The following XPR1 variants were observed in gnomAD, a reference collection of about 807,000 sequenced individuals.
The protein encoded by XPR1 is xenotropic and polytropic retrovirus receptor 1.
Under a neutral mutation model 87.5 loss-of-function variants are expected in XPR1, and 28 were observed. The observed-to-expected ratio is 0.32, with a 90% CI of 0.24 to 0.44. XPR1 has a LOEUF of 0.44. Ranked by LOEUF, XPR1 falls within the 20% of genes least tolerant of loss-of-function variation. The pLI is 1.00. For missense variants in XPR1, 559 were observed against 862.3 expected (o/e 0.65, Z 4.41); for synonymous variants, 300 against 306.1 (o/e 0.98, Z 0.21).
intron 1 of XPR1, among the ~76,000 whole-genome samples, chr1:180,654,361 A>T (rs1012845706): frequency 3.3e-5 from 5 of 151,978 alleles, no homozygotes; most frequent in Non-Finnish European, 7.4e-5. Context: ...TTTAATATCT[A>T]TTCCTTCTTG....
chr1:180,818,545 A>C (rs1235437850), intron 7 of XPR1, among the ~76,000 whole-genome samples: 2 of 152,110 alleles, frequency 1.3e-5, no homozygotes, highest in East Asian at 3.8e-4. Context: ...ATGCATGAAA[A>C]ACATTGAGTA....
intron 3 of XPR1, among the ~76,000 whole-genome samples, chr1:180,794,387 G>A (rs1450698525): frequency 6.6e-6 from 1 of 152,166 alleles, no homozygotes; most frequent in East Asian, 1.9e-4. Context: ...GTGGCACTAC[G>A]ACTGTACGTG....
intron 1 of XPR1, among the ~76,000 whole-genome samples, chr1:180,674,836 A>C (rs1032544108): frequency 1.3e-5 from 2 of 152,186 alleles, no homozygotes; most frequent in African/African-American, 4.8e-5. Flanking sequence ...CACATTTGAC[A>C]CAGTAATATA....
intron 1 of XPR1, among the ~76,000 whole-genome samples, chr1:180,663,487 G>T (rs1655847619): frequency 6.6e-6 from 1 of 152,156 alleles, no homozygotes; most frequent in South Asian, 2.1e-4. Context: ...CTTTGTCCTA[G>T]ATAAACAGAG....
intron 11 of XPR1, among the ~76,000 whole-genome samples, chr1:180,842,387 T>G (rs1331799252): frequency 6.6e-6 from 1 of 152,144 alleles, no homozygotes; most frequent in Non-Finnish European, 1.5e-5. Flanking sequence ...GGGAGGAGGT[T>G]GGAGGTTTAG....
At chr1:180,798,569 A>T (rs1649669723) in intron 3 of XPR1, among the ~76,000 whole-genome samples, 1 of 152,136 alleles carries the variant, frequency 6.6e-6, no homozygotes, top group South Asian at 2.1e-4. Context: ...TAATTCCTAG[A>T]GGATCTGAAT....
At chr1:180,745,025 T>C (rs1659042780) in intron 2 of XPR1, among the ~76,000 whole-genome samples, 3 of 152,158 alleles carry the variant, frequency 2.0e-5, no homozygotes, top group Admixed American at 2.0e-4. Flanking sequence ...AAGCCTTTGA[T>C]ATGCTATTCA....
intron 11 of XPR1, among the ~76,000 whole-genome samples, chr1:180,854,899 A>T (rs1477434834): frequency 6.6e-6 from 1 of 152,200 alleles, no homozygotes; most frequent in African/African-American, 2.4e-5. Flanking sequence ...AGGTGTTTTC[A>T]GGGACACATT....
At chr1:180,882,967 G>GTTTTTTTTTTTTTTTTTTTTTTTTT (rs1156645233) in intron 14 of XPR1, among the ~76,000 whole-genome samples, 2 of 150,542 alleles carry the variant, frequency 1.3e-5, no homozygotes, top group African/African-American at 5.0e-5. Flanking sequence ...TTGGGGGTTG[G>GTTTTTTTTTTTTTTTTTTTTTTTTT]TTGTTTTTTT....
At chr1:180,734,191 C>A (rs757930270) in intron 2 of XPR1, among the ~76,000 whole-genome samples, 9 of 152,102 alleles carry the variant, frequency 5.9e-5, no homozygotes, top group Non-Finnish European at 1.2e-4. Flanking sequence ...TACCAAAACA[C>A]CGGGGGTTCA....
At position 180,632,128 on chromosome 1, in the gene XPR1, A is replaced by C. The variant is rs1654603285; in HGVS notation, c.-74A>C. 1 of 1,528,326 alleles carries C rather than the reference A, an allele frequency of 6.5e-7. No homozygotes were observed. Among genetic ancestry groups the C allele is most frequent in the Non-Finnish European group, 8.9e-7 (1 of 1,124,666 alleles). The allele number at this position is 1,528,326 out of a possible 1,614,324, so 94.7% of individuals were successfully genotyped here. A position where few individuals can be genotyped will look rare whatever the true frequency, so the allele number is the denominator to read the frequency against. ...GCGCCGCGCCGGGGCCCATGTGGGG[A>C]GGAGTCGGAGTCGCTGTTGCCGCCG... On this transcript the variant is annotated 5_prime_UTR_variant, in exon 1 of 15. Transcript: ENST00000367590.
intron 11 of XPR1, among the ~76,000 whole-genome samples, chr1:180,849,257 A>G (rs1305761669): frequency 6.6e-6 from 1 of 152,226 alleles, no homozygotes; most frequent in African/African-American, 2.4e-5. Flanking sequence ...GAAAGGAAAC[A>G]GGTGTTATTC....
intron 1 of XPR1, among the ~76,000 whole-genome samples, chr1:180,670,057 A>C (rs1557948733): frequency 6.6e-6 from 1 of 152,134 alleles, no homozygotes; most frequent in Non-Finnish European, 1.5e-5. Flanking sequence ...TTTTTCTTAA[A>C]ATCTTTGTTG....
intron 2 of XPR1, among the ~76,000 whole-genome samples, chr1:180,776,607 G>A (rs545323358): frequency 6.6e-6 from 1 of 152,206 alleles, no homozygotes; most frequent in African/African-American, 2.4e-5. Context: ...ACAATTGCAA[G>A]ATAGTTATTC....
At chr1:180,708,689 A>C (rs907673377) in intron 2 of XPR1, among the ~76,000 whole-genome samples, 17 of 151,938 alleles carry the variant, frequency 1.1e-4, no homozygotes, top group Admixed American at 1.1e-3. Flanking sequence ...TTCCTTAAAT[A>C]TTTTTTGAAT....
At chr1:180,783,024 T>C (rs1044161487) in intron 2 of XPR1, among the ~76,000 whole-genome samples, 1 of 151,952 alleles carries the variant, frequency 6.6e-6, no homozygotes, top group Admixed American at 6.6e-5. Flanking sequence ...ATAGGAAACA[T>C]CTTATAATAG....
chr1:180,808,824 T>G (rs568705281), intron 6 of XPR1, among the ~76,000 whole-genome samples: 14 of 152,306 alleles, frequency 9.2e-5, no homozygotes, highest in Non-Finnish European at 2.1e-4. Flanking sequence ...TTTTCTAATA[T>G]GCTTTGGTGG....
At chr1:180,862,009 AGTAT>A (rs1652238818) in intron 11 of XPR1, among the ~76,000 whole-genome samples, 2 of 152,104 alleles carry the variant, frequency 1.3e-5, no homozygotes, top group Non-Finnish European at 1.5e-5. Context: ...ATGAATTTTG[AGTAT>A]GTGTTACCTT....
intron 2 of XPR1, among the ~76,000 whole-genome samples, chr1:180,727,014 A>G (rs1410474867): frequency 1.3e-5 from 2 of 151,744 alleles, no homozygotes; most frequent in East Asian, 3.9e-4. Flanking sequence ...AGCTGGGACT[A>G]CAGGCGCCCA....
Sources: gnomAD v4.1 joint callset for allele counts (sites outside exome capture counted in the v4.1 genomes callset) on GRCh38, gnomAD v4.1.1 for gene constraint, MANE v1.5 for transcripts, NCBI Gene and HGNC (gene_info 2026-07-23, HGNC 2026-07-21) for gene names.